GALNTL6: variants seen among roughly 807,000 people sequenced by gnomAD.
GALNTL6 encodes the protein polypeptide N-acetylgalactosaminyltransferase-like 6.
In GALNTL6, 46 loss-of-function variants were observed where a neutral mutation model predicts 73.7. That is an observed-to-expected ratio of 0.62 (90% CI 0.49 to 0.80). The LOEUF (loss-of-function observed/expected upper bound fraction) is 0.80. Among genes scored for constraint, GALNTL6 ranks in the 30% least tolerant of loss-of-function variants. The probability of loss-of-function intolerance (pLI) is 0.00; values close to 1 mark genes in which losing one functional copy is unlikely to be tolerated. For missense variants in GALNTL6, 604 were observed against 755.0 expected (o/e 0.80, Z 2.34); for synonymous variants, 259 against 263.7 (o/e 0.98, Z 0.17).
intron 5 of GALNTL6, among the ~76,000 whole-genome samples, chr4:172,633,650 C>T (rs973443586): frequency 3.3e-5 from 5 of 152,104 alleles, no homozygotes; most frequent in Non-Finnish European, 1.5e-5. Context: ...ATTGGGAAGG[C>T]ATGATTGGTT....
chr4:172,835,499 G>A (rs528326089), intron 7 of GALNTL6, among the ~76,000 whole-genome samples: 9 of 152,326 alleles, frequency 5.9e-5, no homozygotes, highest in Admixed American at 5.2e-4. Flanking sequence ...CAGAAATACA[G>A]TGTGGAGTCC....
At chr4:172,469,448 A>AT (rs1409892952) in intron 5 of GALNTL6, among the ~76,000 whole-genome samples, 5 of 116,780 alleles carry the variant, frequency 4.3e-5, no homozygotes, top group Middle Eastern at 4.4e-3. Context: ...TCTACAAAAA[A>AT]TAAAAAAAAA....
At position 172,887,738 on chromosome 4, in the gene GALNTL6, A is replaced by AT. The variant is rs570879862; in HGVS notation, c.1041+4837dup. ...GCCACCATGCCTGGCTAATTTTTGT[A>AT]TTTTTTGTAGAGACGGGGTTTCCCC... On this transcript the variant is annotated intron_variant, in intron 8 of 12. Coordinates refer to ENST00000506823, the MANE Select transcript of GALNTL6 (RefSeq NM_001034845.3). Among the ~76,000 whole-genome samples the AT allele has an allele frequency of 2.4e-3, 358 of 151,758 alleles. 3 individuals carry two copies. The highest frequency in any genetic ancestry group is 3.8e-3 in the Non-Finnish European group (259 of 67,922).
chr4:172,040,985 T>C (rs1051915046), intron 2 of GALNTL6, among the ~76,000 whole-genome samples: 2 of 152,106 alleles, frequency 1.3e-5, no homozygotes, highest in South Asian at 4.1e-4. Flanking sequence ...ATAATTTTCA[T>C]TGTTTATACA....
chr4:172,343,143 C>T (rs1168404447), intron 4 of GALNTL6, among the ~76,000 whole-genome samples: 1 of 152,000 alleles, frequency 6.6e-6, no homozygotes, highest in Non-Finnish European at 1.5e-5. Context: ...AAACAAAAAA[C>T]AAACAAACAA....
At chr4:172,977,225 G>C (rs1427564461) in intron 10 of GALNTL6, among the ~76,000 whole-genome samples, 1 of 152,154 alleles carries the variant, frequency 6.6e-6, no homozygotes, top group Non-Finnish European at 1.5e-5. Flanking sequence ...CAACACTCTG[G>C]GTCTATTGAT....
intron 5 of GALNTL6, among the ~76,000 whole-genome samples, chr4:172,600,755 AC>A (rs1202125938): frequency 6.6e-6 from 1 of 151,642 alleles, no homozygotes; most frequent in Non-Finnish European, 1.5e-5. Context: ...GAGAGTAAAG[AC>A]CATTCTAGAC....
intron 8 of GALNTL6, among the ~76,000 whole-genome samples, chr4:172,892,478 T>G (rs890118557): frequency 6.6e-6 from 1 of 152,282 alleles, no homozygotes; most frequent in South Asian, 2.1e-4. Context: ...GAAGAAATTT[T>G]TTCTTTAGTG....
intron 10 of GALNTL6, among the ~76,000 whole-genome samples, chr4:172,983,112 A>G (rs1312644316): frequency 6.6e-6 from 1 of 152,236 alleles, no homozygotes; most frequent in Admixed American, 6.5e-5. Context: ...ACAAAATTGC[A>G]CATGCACTCC....
chr4:172,759,189 C>T (rs1737924247), intron 5 of GALNTL6, among the ~76,000 whole-genome samples: 1 of 152,198 alleles, frequency 6.6e-6, no homozygotes, highest in African/African-American at 2.4e-5. Context: ...TACCAAGCCC[C>T]TAGCCTAGAT....
At position 171,814,454 on chromosome 4, in the gene GALNTL6, G is replaced by C. The variant is rs1267079078; in HGVS notation, c.-127G>C. 2.1e-6 allele frequency: 2 copies of C among 946,258 alleles called. No homozygotes were observed. Among genetic ancestry groups the C allele is most frequent in the Non-Finnish European group, 3.2e-6 (2 of 624,622 alleles). 58.6% of individuals were successfully genotyped at this position (946,258 alleles called of 1,614,324 possible). ...AATCCTGCAGATTGGTGCTGAGCACGCAACAAAAGTTTGTAGCTTCTCAGT... is the reference window on the plus strand; with the variant it reads ...AATCCTGCAGATTGGTGCTGAGCACCCAACAAAAGTTTGTAGCTTCTCAGT... On this transcript the variant is annotated 5_prime_UTR_variant, in exon 2 of 13. Transcript: ENST00000506823.
intron 5 of GALNTL6, among the ~76,000 whole-genome samples, chr4:172,402,043 G>T (rs1180145901): frequency 6.6e-6 from 1 of 151,614 alleles, no homozygotes; most frequent in South Asian, 2.1e-4. Context: ...ATCAACATCT[G>T]CATTCACCAT....
chr4:172,380,794 T>A (rs974496666), intron 5 of GALNTL6, among the ~76,000 whole-genome samples: 5 of 152,230 alleles, frequency 3.3e-5, no homozygotes, highest in Admixed American at 3.3e-4. Context: ...CAATAGACAT[T>A]TAGAACATCT....
chr4:172,041,175 G>T (rs1021634966), intron 2 of GALNTL6, among the ~76,000 whole-genome samples: 1 of 151,912 alleles, frequency 6.6e-6, no homozygotes, highest in Non-Finnish European at 1.5e-5. Flanking sequence ...TTTCTATTTG[G>T]TTTATTGATC....
At chr4:172,095,361 T>G (rs1165815223) in intron 2 of GALNTL6, among the ~76,000 whole-genome samples, 1 of 151,934 alleles carries the variant, frequency 6.6e-6, no homozygotes, top group African/African-American at 2.4e-5. Flanking sequence ...GTCCAGCCTG[T>G]GAGTAAGCGC....
intron 7 of GALNTL6, among the ~76,000 whole-genome samples, chr4:172,860,365 T>TA (rs1177089360): frequency 6.6e-6 from 1 of 152,194 alleles, no homozygotes; most frequent in Non-Finnish European, 1.5e-5. Context: ...AGTGCAAGCA[T>TA]AATGACAAAA....
chr4:173,019,950 G>T (rs531948072), intron 11 of GALNTL6, among the ~76,000 whole-genome samples: 1 of 152,356 alleles, frequency 6.6e-6, no homozygotes, highest in East Asian at 1.9e-4. Flanking sequence ...TCAGTGCATA[G>T]TGTATTATCT....
At position 172,613,408 on chromosome 4, in the gene GALNTL6, A is replaced by G. The variant is rs531054589; in HGVS notation, c.554-195953A>G. On this transcript the variant is annotated intron_variant, in intron 5 of 12. Transcript: ENST00000506823. The stretch of plus-strand genomic sequence containing the variant: ...CTTATCGGAAAGAACTGCAAGTTCA[A>G]ATACTAGGAAGCAAGGGCTACTAGA... Among the ~76,000 whole-genome samples the G allele has an allele frequency of 5.9e-5, 9 of 152,084 alleles. No homozygotes were observed. The South Asian group carries it at 1.9e-3, about 32-fold the overall frequency.
chr4:172,924,020 G>A (rs899660270), intron 8 of GALNTL6, among the ~76,000 whole-genome samples: 2 of 152,080 alleles, frequency 1.3e-5, no homozygotes, highest in Admixed American at 6.5e-5. Context: ...GCCTGGGGTG[G>A]GAACTAGGCA....
Sources: gnomAD v4.1 joint callset for allele counts (sites outside exome capture counted in the v4.1 genomes callset) on GRCh38, gnomAD v4.1.1 for gene constraint, MANE v1.5 for transcripts, NCBI Gene and HGNC (gene_info 2026-07-23, HGNC 2026-07-21) for gene names.